The following SLC9C2 variants were observed in gnomAD, a reference collection of about 807,000 sequenced individuals.
The protein encoded by SLC9C2 is solute carrier family 9 member C2 (putative).
In SLC9C2, 75 loss-of-function variants were observed where a neutral mutation model predicts 140.2. The observed-to-expected ratio is 0.53, with a 90% confidence interval of 0.44 to 0.65. SLC9C2 has a LOEUF of 0.65. Ranked by LOEUF, SLC9C2 falls within the 30% of genes least tolerant of loss-of-function variation. The probability of loss-of-function intolerance (pLI) is 0.00; values close to 1 mark genes in which losing one functional copy is unlikely to be tolerated. For missense variants in SLC9C2, 1,074 were observed against 1,331.8 expected, an observed-to-expected ratio of 0.81 and a Z score of 3.01; for synonymous variants, 375 against 420.9, an observed-to-expected ratio of 0.89 and a Z score of 1.34.
At chr1:173,596,003 TAGA>T (rs1666436225) in intron 4 of SLC9C2, among the ~76,000 whole-genome samples, 1 of 152,206 alleles carries the variant, frequency 6.6e-6, no homozygotes, top group African/African-American at 2.4e-5. Flanking sequence ...TTGCCATTTT[TAGA>T]AGGTCTATGA....
chr1:173,552,061 T>C (rs763782700), intron 11 of SLC9C2, among the ~76,000 whole-genome samples: 1 of 152,152 alleles, frequency 6.6e-6, no homozygotes, highest in Non-Finnish European at 1.5e-5. Context: ...TGGAGAAAGA[T>C]TGAGTGGTCT....
chr1:173,575,639 C>T (rs1178768609), intron 8 of SLC9C2, among the ~76,000 whole-genome samples: 2 of 152,040 alleles, frequency 1.3e-5, no homozygotes, highest in Non-Finnish European at 2.9e-5. Context: ...TGCAGTGGTG[C>T]GAACTCGGCT....
intron 9 of SLC9C2, among the ~76,000 whole-genome samples, chr1:173,563,664 T>G (rs1571569289): frequency 6.6e-6 from 1 of 152,196 alleles, no homozygotes; most frequent in East Asian, 1.9e-4. Context: ...TCATGCTAAA[T>G]CGGGTATCTA....
intron 17 of SLC9C2, among the ~76,000 whole-genome samples, chr1:173,533,166 G>A (rs1661707342): frequency 6.6e-6 from 1 of 152,168 alleles, no homozygotes; most frequent in Admixed American, 6.5e-5. Flanking sequence ...TGTTCCAGAA[G>A]AGACAACTCC....
chr1:173,545,965 T>G (rs1381024), intron 13 of SLC9C2, among the ~76,000 whole-genome samples: 68 of 151,576 alleles, frequency 4.5e-4, no homozygotes, highest in African/African-American at 1.5e-3. Context: ...GCATTCGGAG[T>G]GGGAAAAAGG....
intron 21 of SLC9C2, 136 bp downstream of exon 21, chr1:173,523,833 T>A (rs1558028867): frequency 2.5e-6 from 3 of 1,183,108 alleles, no homozygotes; most frequent in Non-Finnish European, 3.5e-6. Context: ...CCTCTAGGCT[T>A]TCCTGGGCCT....
intron 1 of SLC9C2, among the ~76,000 whole-genome samples, chr1:173,602,170 G>A (rs114247360): frequency 9.3e-4 from 141 of 152,246 alleles, no homozygotes; most frequent in African/African-American, 3.0e-3. Flanking sequence ...GCCAGGGCCC[G>A]AACTTTCCTT....
At chr1:173,503,202 T>G in intron 27 of SLC9C2, 64 bp downstream of exon 27, 10 of 1,412,500 alleles carry the variant, frequency 7.1e-6, no homozygotes, top group Non-Finnish European at 9.8e-6. Flanking sequence ...CTCAATTTAT[T>G]TTAGCTGTAT....
intron 9 of SLC9C2, among the ~76,000 whole-genome samples, chr1:173,568,643 C>T (rs1664649782): frequency 6.6e-6 from 1 of 152,134 alleles, no homozygotes; most frequent in African/African-American, 2.4e-5. Flanking sequence ...TGGGTATATA[C>T]CCAATAATGA....
At chr1:173,582,033 G>T in intron 6 of SLC9C2, 25 bp from the exon 7 acceptor site, 1 of 1,464,696 alleles carries the variant, frequency 6.8e-7, no homozygotes, top group Non-Finnish European at 9.1e-7. Flanking sequence ...GAAAAAATAA[G>T]AAATAAAAAC....
intron 7 of SLC9C2, among the ~76,000 whole-genome samples, chr1:173,580,985 G>A (rs1466825725): frequency 2.0e-5 from 3 of 152,082 alleles, no homozygotes; most frequent in African/African-American, 7.2e-5. Flanking sequence ...CAGGAGAGGG[G>A]AAAAATGAAG....
intron 9 of SLC9C2, among the ~76,000 whole-genome samples, chr1:173,572,855 C>T (rs1558078998): frequency 6.6e-6 from 1 of 152,180 alleles, no homozygotes; most frequent in South Asian, 2.1e-4. Flanking sequence ...CTTTAACATG[C>T]ATACAAACTA....
At chr1:173,600,092 C>T (rs1244918317) in intron 3 of SLC9C2, 25 bp downstream of exon 3, 3 of 1,475,748 alleles carry the variant, frequency 2.0e-6, no homozygotes, top group African/African-American at 1.4e-5. Context: ...TTCCTTTATT[C>T]TCTAATTTAT....
At chr1:173,547,118 C>T (rs1662906321) in intron 13 of SLC9C2, among the ~76,000 whole-genome samples, 1 of 152,000 alleles carries the variant, frequency 6.6e-6, no homozygotes, top group East Asian at 1.9e-4. Flanking sequence ...ATTTTATATA[C>T]ATTTTATATT....
intron 27 of SLC9C2, among the ~76,000 whole-genome samples, chr1:173,501,926 GAAGAGTCTTA>G: frequency 6.6e-6 from 1 of 152,078 alleles, no homozygotes; most frequent in Non-Finnish European, 1.5e-5. Context: ...ATTGCTATTA[GAAGAGTCTTA>G]GGGTGGCTGT....
rs538981707 is a variant in SLC9C2 at position 173,569,639 on chromosome 1, C to A, written c.1046+3543G>T. On this transcript the variant is annotated intron_variant, in intron 9 of 27. Coordinates refer to ENST00000367714, the MANE Select transcript of SLC9C2 (RefSeq NM_178527.4). ...TAGGTGTGCCGCATTCTTTTTTATT[C>A]TTTTTTCTTTTGCGTCTTCTGACTG... Among the ~76,000 whole-genome samples, 6 of 151,966 alleles carry A rather than the reference C, an allele frequency of 3.9e-5. No individual in the cohort carries two copies. In the East Asian group the frequency reaches 9.7e-4, roughly 25 times the overall value.
At chr1:173,550,457 T>TTTTTGAG (rs1361235994) in intron 11 of SLC9C2, among the ~76,000 whole-genome samples, 9 of 150,688 alleles carry the variant, frequency 6.0e-5, no homozygotes, top group African/African-American at 2.0e-4. Context: ...TATTTATTTT[T>TTTTTGAG]GAGGAGGAGT....
intron 9 of SLC9C2, chr1:173,571,571 T>G (rs2102173592): frequency 6.6e-6 from 1 of 152,344 alleles, no homozygotes; most frequent in Non-Finnish European, 1.5e-5. Flanking sequence ...CCATGCTTTA[T>G]TTATTTTCAT....
chr1:173,536,934 A>AT lies in SLC9C2; in HGVS notation c.1655+7dup. The AT allele has an allele frequency of 6.2e-7, 1 of 1,600,022 alleles. No individual in the cohort carries two copies. The highest frequency in any genetic ancestry group is 2.2e-5 in the East Asian group (1 of 44,712). ...TGGAAATATCAATTAAAGAAGTGTT[A>AT]TACTTACTTTCCTTGGATGGAGTAA... On this transcript the variant is annotated splice_region_variant and intron_variant, in intron 14 of 27. Coordinates refer to ENST00000367714, the MANE Select transcript of SLC9C2 (RefSeq NM_178527.4).
Sources: gnomAD v4.1 joint callset for allele counts (sites outside exome capture counted in the v4.1 genomes callset) on GRCh38, gnomAD v4.1.1 for gene constraint, MANE v1.5 for transcripts, NCBI Gene and HGNC (gene_info 2026-07-23, HGNC 2026-07-21) for gene names.